Variants in REPS1 observed in about 807,000 individuals in gnomAD.
The protein encoded by REPS1 is ralBP1-associated Eps domain-containing protein 1.
A neutral mutation model predicts 100.9 loss-of-function variants in REPS1; 39 were observed. The observed-to-expected ratio is 0.39, with a 90% CI of 0.30 to 0.50. The LOEUF is 0.50. REPS1 is among the 20% of genes least tolerant of loss of function. REPS1 has a pLI of 0.86. For missense variants in REPS1, 821 were observed against 968.5 expected, an observed-to-expected ratio of 0.85 and a Z score of 2.02; for synonymous variants, 324 against 340.3, an observed-to-expected ratio of 0.95 and a Z score of 0.53.
At chr6:138,970,246 T>C (rs1458362958) in intron 1 of REPS1, among the ~76,000 whole-genome samples, 1 of 151,420 alleles carries the variant, frequency 6.6e-6, no homozygotes, top group Non-Finnish European at 1.5e-5. Flanking sequence ...CTGAAGGACT[T>C]TGTAAGTTGG....
chr6:138,981,944 C>A (rs1227577341), intron 1 of REPS1, among the ~76,000 whole-genome samples: 1 of 152,002 alleles, frequency 6.6e-6, no homozygotes, highest in Non-Finnish European at 1.5e-5. Context: ...GAAACTAGCA[C>A]AAGAAACTCA....
chr6:138,954,138 T>C (rs559525250), intron 1 of REPS1, among the ~76,000 whole-genome samples: 3 of 150,186 alleles, frequency 2.0e-5, no homozygotes, highest in Non-Finnish European at 3.0e-5. Context: ...GTTGATCTCA[T>C]AGAAGTAAAA....
intron 1 of REPS1, among the ~76,000 whole-genome samples, chr6:138,968,357 T>G (rs2128498518): frequency 6.6e-6 from 1 of 152,330 alleles, no homozygotes; most frequent in Non-Finnish European, 1.5e-5. Context: ...AATACAATCC[T>G]CAAAAATGAC....
At chr6:138,927,698 G>C (rs1039597423) in intron 9 of REPS1, 1 of 152,070 alleles carries the variant, frequency 6.6e-6, no homozygotes, top group African/African-American at 2.4e-5. Context: ...ATAATTCAAC[G>C]ACTTTTCCTA....
intron 10 of REPS1, among the ~76,000 whole-genome samples, chr6:138,924,216 A>C (rs550042136): frequency 7.9e-5 from 12 of 152,334 alleles, no homozygotes; most frequent in African/African-American, 2.9e-4. Context: ...ATTTCTAGGC[A>C]TTAGATTATA....
chr6:138,972,832 T>C (rs757324395), intron 1 of REPS1, among the ~76,000 whole-genome samples: 4 of 152,160 alleles, frequency 2.6e-5, no homozygotes, highest in Non-Finnish European at 5.9e-5. Flanking sequence ...GAAAGCACTA[T>C]GCAGTCTGGT....
intron 8 of REPS1, among the ~76,000 whole-genome samples, chr6:138,937,995 T>G (rs577262516): frequency 1.6e-5 from 2 of 125,140 alleles, no homozygotes; most frequent in Non-Finnish European, 3.5e-5. Flanking sequence ...TTGTAGCAGG[T>G]CATCTTAATC....
At chr6:138,980,902 C>T (rs1319456452) in intron 1 of REPS1, among the ~76,000 whole-genome samples, 1 of 152,154 alleles carries the variant, frequency 6.6e-6, no homozygotes, top group Non-Finnish European at 1.5e-5. Context: ...ATGTCTTGAT[C>T]CTTCACCACT....
intron 8 of REPS1, among the ~76,000 whole-genome samples, chr6:138,932,185 T>A (rs571739221): frequency 6.6e-6 from 1 of 152,256 alleles, no homozygotes; most frequent in Non-Finnish European, 1.5e-5. Context: ...AAAGCTGAAG[T>A]GGGTCTAGCT....
intron 2 of REPS1, among the ~76,000 whole-genome samples, chr6:138,947,285 T>TATTTTATTTTAGACTATATTTTA (rs1444453557): frequency 6.6e-6 from 1 of 152,178 alleles, no homozygotes; most frequent in African/African-American, 2.4e-5. Context: ...GATTTTAGTC[T>TATTTTATTTTAGACTATATTTTA]GCCAATATTT....
chr6:138,944,004 T>C lies in REPS1; in HGVS notation c.765A>G (p.Thr255=). The stretch of plus-strand genomic sequence containing the variant: ...TTGTAGCTGATGCTACAGTTCGTAC[T>C]GTTGTCTGGTCCTGTAATGAAACAT... The part of the protein sequence containing the change: ...MHPASVQDQT[T]VRTVASATTA... The change falls in exon 6 of 20, where the codon ACA becomes ACG. Residue 255 remains threonine (T), a synonymous_variant. Transcript: ENST00000450536. 1 of 1,613,886 alleles carries C rather than the reference T, an allele frequency of 6.2e-7. No homozygotes were observed.
chr6:138,914,154 T>TC (rs1780199785), intron 15 of REPS1, among the ~76,000 whole-genome samples: 1 of 152,096 alleles, frequency 6.6e-6, no homozygotes, highest in Non-Finnish European at 1.5e-5. Flanking sequence ...ACTGCAGCCT[T>TC]GATCTCCCAG....
chr6:138,979,986 A>C (rs574099818), intron 1 of REPS1, among the ~76,000 whole-genome samples: 33 of 152,320 alleles, frequency 2.2e-4, no homozygotes, highest in African/African-American at 7.9e-4. Context: ...CTGAGAACTA[A>C]GATAGACAAA....
At chr6:138,966,888 C>G (rs1388481622) in intron 1 of REPS1, among the ~76,000 whole-genome samples, 1 of 152,218 alleles carries the variant, frequency 6.6e-6, no homozygotes, top group Non-Finnish European at 1.5e-5. Flanking sequence ...ACAATACAAA[C>G]TACCTGCTGA....
intron 1 of REPS1, among the ~76,000 whole-genome samples, chr6:138,979,755 C>T (rs1441630695): frequency 6.6e-6 from 1 of 152,188 alleles, no homozygotes; most frequent in Admixed American, 6.5e-5. Flanking sequence ...TCCAAGAAGC[C>T]TTCCAGTTTA....
At chr6:138,908,152 G>A (rs753308887) in intron 18 of REPS1, among the ~76,000 whole-genome samples, 6 of 152,026 alleles carry the variant, frequency 3.9e-5, no homozygotes, top group Non-Finnish European at 8.8e-5. Flanking sequence ...GTACTGCTAC[G>A]GGGTTTGAAA....
At chr6:138,987,490 C>A in intron 1 of REPS1, 40 bp downstream of exon 1, 1 of 1,513,138 alleles carries the variant, frequency 6.6e-7, no homozygotes, top group African/African-American at 1.4e-5. Context: ...CCAGTGACTG[C>A]AGGCCTAAGC....
chr6:138,907,937 T>C (rs1158891394), intron 18 of REPS1, among the ~76,000 whole-genome samples: 1 of 152,194 alleles, frequency 6.6e-6, no homozygotes, highest in Non-Finnish European at 1.5e-5. Flanking sequence ...AGTTTCTGTC[T>C]CATATTCTAG....
chr6:138,922,904 A>AAG (rs1347800855), intron 10 of REPS1, among the ~76,000 whole-genome samples: 3 of 152,228 alleles, frequency 2.0e-5, no homozygotes, highest in Non-Finnish European at 4.4e-5. Context: ...ACCCTCTCTT[A>AAG]TCTGACATAT....
Sources: gnomAD v4.1 joint callset for allele counts (sites outside exome capture counted in the v4.1 genomes callset) on GRCh38, gnomAD v4.1.1 for gene constraint, MANE v1.5 for transcripts, NCBI Gene and HGNC (gene_info 2026-07-23, HGNC 2026-07-21) for gene names.